Variants in POU6F2 observed in about 807,000 individuals in gnomAD.
The protein encoded by POU6F2 is POU class 6 homeobox 2, also known as POU domain, class 6, transcription factor 2.
In POU6F2, 31 loss-of-function variants were observed where a neutral mutation model predicts 71.3. The observed-to-expected ratio is 0.43, with a 90% CI of 0.33 to 0.59. The LOEUF (loss-of-function observed/expected upper bound fraction) is 0.59, where lower values mean the gene tolerates loss of function less well. Among genes scored for constraint, POU6F2 ranks in the 20% least tolerant of loss-of-function variants. The probability of loss-of-function intolerance (pLI) is 0.04; values close to 1 mark genes in which losing one functional copy is unlikely to be tolerated. For missense variants in POU6F2, 783 were observed against 856.8 expected (o/e 0.91, Z 1.07); for synonymous variants, 347 against 355.7 (o/e 0.98, Z 0.27).
At chr7:39,013,530 A>C (rs978957007) in intron 1 of POU6F2, 1 of 154,268 alleles carries the variant, frequency 6.5e-6, no homozygotes, top group Admixed American at 6.5e-5. Flanking sequence ...AGCTGTTCCT[A>C]TGCGGCCATC....
chr7:39,212,362 A>G (rs1296891935), intron 4 of POU6F2, among the ~76,000 whole-genome samples: 1 of 152,264 alleles, frequency 6.6e-6, no homozygotes, highest in East Asian at 1.9e-4. Context: ...AGGAGATGCC[A>G]ATGGTGAGGT....
Position 39,023,432 on chromosome 7 carries a change from G to A in POU6F2, c.105+45374G>A, listed in dbSNP as rs148497131. On this transcript the variant is annotated intron_variant, in intron 1 of 9. Transcript: ENST00000518318. ...CCCTCAGTGAACATGTGGCAATGTC[G>A]CAACGTCTAGAGACATTTTTGTTTG... Among the ~76,000 whole-genome samples, 543 of 151,966 alleles carry A rather than the reference G, an allele frequency of 3.6e-3. 9 individuals carry two copies. The highest frequency in any genetic ancestry group is 0.033 in the South Asian group (158 of 4,812).
intron 4 of POU6F2, among the ~76,000 whole-genome samples, chr7:39,315,308 A>ATT (rs1179994087): frequency 6.6e-6 from 1 of 152,032 alleles, no homozygotes; most frequent in Non-Finnish European, 1.5e-5. Context: ...TGCAGGAAGG[A>ATT]TTTTCCTGGC....
chr7:39,294,912 G>A (rs1220461773), intron 4 of POU6F2, among the ~76,000 whole-genome samples: 1 of 152,178 alleles, frequency 6.6e-6, no homozygotes, highest in Non-Finnish European at 1.5e-5. Flanking sequence ...AGTCAGGCCT[G>A]GGACTTATGT....
Position 39,369,979 on chromosome 7 carries a change from A to G in POU6F2, c.972+29964A>G, listed in dbSNP as rs1169608255. ...AAAGTACTGCCACCGCACCCAGCCTAAAGTATTTTTATACATTAGACATAA... is the reference window on the plus strand; with the variant it reads ...AAAGTACTGCCACCGCACCCAGCCTGAAGTATTTTTATACATTAGACATAA... On this transcript the variant is annotated intron_variant, in intron 5 of 9. Coordinates refer to ENST00000518318, the MANE Select transcript of POU6F2 (RefSeq NM_001370959.1). 5.3e-5 allele frequency among the ~76,000 whole-genome samples: 8 copies of G among 152,210 alleles called. No homozygotes were observed. The East Asian group carries it at 1.4e-3, about 26-fold the overall frequency.
chr7:39,101,785 A>T (rs928741519), intron 2 of POU6F2, among the ~76,000 whole-genome samples: 3 of 152,198 alleles, frequency 2.0e-5, no homozygotes, highest in African/African-American at 7.2e-5. Context: ...GCTTGATTTA[A>T]TCATTCCACA....
intron 2 of POU6F2, among the ~76,000 whole-genome samples, chr7:39,106,356 A>C (rs562149759): frequency 2.1e-5 from 3 of 145,870 alleles, no homozygotes; most frequent in African/African-American, 7.6e-5. Context: ...AAACACCCAC[A>C]ACATCCCCTC....
chr7:39,168,753 G>A (rs555836889), intron 2 of POU6F2, among the ~76,000 whole-genome samples: 2 of 152,264 alleles, frequency 1.3e-5, no homozygotes, highest in South Asian at 2.1e-4. Flanking sequence ...TAGAAAGGAC[G>A]CTAAAGAAAA....
intron 3 of POU6F2, among the ~76,000 whole-genome samples, chr7:39,205,910 C>G (rs1020610089): frequency 6.6e-6 from 1 of 152,176 alleles, no homozygotes; most frequent in Non-Finnish European, 1.5e-5. Flanking sequence ...AGCCCCACTT[C>G]TCTAAATCTG....
intron 2 of POU6F2, among the ~76,000 whole-genome samples, chr7:39,167,232 A>G (rs1018939100): frequency 6.6e-6 from 1 of 152,176 alleles, no homozygotes; most frequent in African/African-American, 2.4e-5. Context: ...GCTAAAAAAC[A>G]TACTTGTCTT....
At chr7:39,321,115 A>T (rs1785381634) in intron 4 of POU6F2, among the ~76,000 whole-genome samples, 2 of 151,492 alleles carry the variant, frequency 1.3e-5, no homozygotes, top group South Asian at 4.2e-4. Context: ...ATATATTGTA[A>T]TAAAAGTTAT....
intron 5 of POU6F2, among the ~76,000 whole-genome samples, chr7:39,390,698 A>G (rs975579540): frequency 6.6e-6 from 1 of 152,212 alleles, no homozygotes; most frequent in Non-Finnish European, 1.5e-5. Flanking sequence ...ACAAAGTAAT[A>G]CATGACCCAG....
chr7:39,202,046 G>A (rs1281612722), intron 2 of POU6F2, among the ~76,000 whole-genome samples: 2 of 152,178 alleles, frequency 1.3e-5, no homozygotes, highest in African/African-American at 4.8e-5. Flanking sequence ...GAAATTGTGT[G>A]GAATTGCCCT....
At chr7:39,426,592 T>C (rs1787978459) in intron 6 of POU6F2, among the ~76,000 whole-genome samples, 1 of 151,964 alleles carries the variant, frequency 6.6e-6, no homozygotes, top group Non-Finnish European at 1.5e-5. Context: ...CTCTTCTTCT[T>C]CTCTCTCCCT....
intron 7 of POU6F2, among the ~76,000 whole-genome samples, chr7:39,439,865 G>A (rs984350507): frequency 2.9e-5 from 4 of 139,808 alleles, no homozygotes; most frequent in Non-Finnish European, 3.1e-5. Context: ...AGCTCTTGCA[G>A]AGCAGGTATG....
At chr7:39,215,099 C>A (rs1794213929) in intron 4 of POU6F2, among the ~76,000 whole-genome samples, 1 of 152,176 alleles carries the variant, frequency 6.6e-6, no homozygotes, top group African/African-American at 2.4e-5. Flanking sequence ...AATCCCAGCA[C>A]TTTGGGAGGC....
intron 6 of POU6F2, among the ~76,000 whole-genome samples, chr7:39,429,632 A>G (rs574658909): frequency 1.3e-5 from 2 of 152,280 alleles, no homozygotes; most frequent in African/African-American, 4.8e-5. Context: ...GGAGAACATA[A>G]ATCTGTCTGG....
chr7:39,100,828 C>T (rs1032075956), intron 2 of POU6F2, among the ~76,000 whole-genome samples: 13 of 152,138 alleles, frequency 8.5e-5, no homozygotes, highest in African/African-American at 3.1e-4. Context: ...TTAAATCTGT[C>T]TCCACTTGGC....
chr7:39,077,380 T>A (rs1791022958), intron 1 of POU6F2, among the ~76,000 whole-genome samples: 1 of 152,366 alleles, frequency 6.6e-6, no homozygotes, highest in East Asian at 1.9e-4. Context: ...GTGTGCTAGA[T>A]ACTTTGTAGA....
Sources: allele counts gnomAD v4.1 joint callset (sites outside exome capture counted in the v4.1 genomes callset), GRCh38; gene constraint gnomAD v4.1.1; transcripts MANE v1.5; gene names NCBI Gene and HGNC (gene_info 2026-07-23, HGNC 2026-07-21).